The following PDZRN3 variants were observed in gnomAD, a reference collection of about 807,000 sequenced individuals.
PDZRN3 encodes the protein PDZ domain containing ring finger 3, also known as E3 ubiquitin-protein ligase PDZRN3.
In PDZRN3, 38 loss-of-function variants were observed where a neutral mutation model predicts 85.7. The ratio of observed to expected loss-of-function variants is 0.44; its 90% CI spans 0.34 to 0.58. The LOEUF (loss-of-function observed/expected upper bound fraction) is 0.58. Ranked by LOEUF, PDZRN3 falls within the 20% of genes least tolerant of loss-of-function variation. The pLI is 0.01. For synonymous variants in PDZRN3, 759 were observed against 638.0 expected (o/e 1.19, Z -2.86); for missense variants, 1,629 against 1,506.4 (o/e 1.08, Z -1.35).
rs1406405812 is a variant in PDZRN3, at chr3:73,535,556, C to T, written c.918+66798G>A. Among the ~76,000 whole-genome samples the T allele has an allele frequency of 6.6e-5, 10 of 152,230 alleles. 1 individual carries two copies. Among genetic ancestry groups the T allele is most frequent in the African/African-American group, 2.4e-4 (10 of 41,540 alleles). ...AGCTTAAAGTGAAAGCAAAGGCTCT[C>T]GAGAAAATAAAAACAGACACATATC... On this transcript the variant is annotated intron_variant, in intron 3 of 9. Transcript: ENST00000263666.
At chr3:73,525,728 G>C in intron 3 of PDZRN3, among the ~76,000 whole-genome samples, 1 of 152,182 alleles carries the variant, frequency 6.6e-6, no homozygotes, top group Non-Finnish European at 1.5e-5. Context: ...CCCCTGCCAA[G>C]GCGAGGCATG....
chr3:73,401,600 T>C (rs1210227173), intron 4 of PDZRN3, among the ~76,000 whole-genome samples: 3 of 152,234 alleles, frequency 2.0e-5, no homozygotes, highest in Non-Finnish European at 4.4e-5. Flanking sequence ...CATCTGTGTG[T>C]ATATGTTTAC....
At chr3:73,499,523 G>GAT (rs1703934649) in intron 3 of PDZRN3, among the ~76,000 whole-genome samples, 1 of 152,160 alleles carries the variant, frequency 6.6e-6, no homozygotes, top group Non-Finnish European at 1.5e-5. Flanking sequence ...ATTCGTGTAA[G>GAT]GCTCCAGGGT....
intron 3 of PDZRN3, among the ~76,000 whole-genome samples, chr3:73,481,565 G>A (rs1703561305): frequency 6.6e-6 from 1 of 151,884 alleles, no homozygotes; most frequent in Admixed American, 6.6e-5. Context: ...CCCGACCTCA[G>A]GTGATCTGCC....
chr3:73,596,452 A>G (rs1702431497), intron 3 of PDZRN3, among the ~76,000 whole-genome samples: 1 of 152,192 alleles, frequency 6.6e-6, no homozygotes, highest in African/African-American at 2.4e-5. Context: ...CAGGATAACT[A>G]TTGATTATAA....
At chr3:73,573,157 A>T (rs1702068116) in intron 3 of PDZRN3, among the ~76,000 whole-genome samples, 1 of 152,208 alleles carries the variant, frequency 6.6e-6, no homozygotes, top group African/African-American at 2.4e-5. Flanking sequence ...CCTCTCTGGC[A>T]AGACAAGACC....
chr3:73,510,277 G>A (rs1476008601), intron 3 of PDZRN3, among the ~76,000 whole-genome samples: 1 of 152,228 alleles, frequency 6.6e-6, no homozygotes, highest in East Asian at 1.9e-4. Context: ...TCATGGGTAT[G>A]TAAAACTAGT....
intron 3 of PDZRN3, among the ~76,000 whole-genome samples, chr3:73,458,266 C>T (rs1007005198): frequency 4.0e-5 from 6 of 151,866 alleles, no homozygotes; most frequent in African/African-American, 7.3e-5. Flanking sequence ...GGATTCTGCT[C>T]GGTGCCCAGC....
At chr3:73,437,451 C>T (rs1271229550) in intron 3 of PDZRN3, among the ~76,000 whole-genome samples, 1 of 152,118 alleles carries the variant, frequency 6.6e-6, no homozygotes, top group Admixed American at 6.5e-5. Flanking sequence ...TGTTTTTGAC[C>T]TCACAGATCC....
At chr3:73,504,016 T>G (rs575430947) in intron 3 of PDZRN3, among the ~76,000 whole-genome samples, 1 of 152,288 alleles carries the variant, frequency 6.6e-6, no homozygotes, top group South Asian at 2.1e-4. Flanking sequence ...GAACACAGTA[T>G]CCCGAAGTCA....
intron 3 of PDZRN3, among the ~76,000 whole-genome samples, chr3:73,430,022 A>C (rs1388648230): frequency 6.6e-6 from 1 of 152,206 alleles, no homozygotes; most frequent in Non-Finnish European, 1.5e-5. Flanking sequence ...GTTCCCTATA[A>C]AGTTGATCAT....
At chr3:73,415,984 CAAAA>C (rs34623609) in intron 3 of PDZRN3, among the ~76,000 whole-genome samples, 10 of 62,296 alleles carry the variant, frequency 1.6e-4, no homozygotes, top group Non-Finnish European at 2.6e-4. Flanking sequence ...CTTTCATCAC[CAAAA>C]AAAAAAAAAA....
chr3:73,618,340 T>C (rs560492599), intron 1 of PDZRN3, among the ~76,000 whole-genome samples: 1 of 152,306 alleles, frequency 6.6e-6, no homozygotes, highest in Admixed American at 6.5e-5. Flanking sequence ...GTGTGAGACT[T>C]CAGAGAAGGG....
intron 3 of PDZRN3, 151 bp downstream of exon 3, chr3:73,602,203 C>G (rs1166969511): frequency 1.7e-6 from 1 of 590,290 alleles, no homozygotes; most frequent in Non-Finnish European, 3.0e-6. Flanking sequence ...AATCAACACT[C>G]AATCTGGTCC....
At chr3:73,413,438 T>C (rs1453295036) in intron 3 of PDZRN3, among the ~76,000 whole-genome samples, 1 of 152,164 alleles carries the variant, frequency 6.6e-6, no homozygotes, top group Admixed American at 6.5e-5. Context: ...TGTCGGGCAG[T>C]GCAATAAATG....
intron 3 of PDZRN3, among the ~76,000 whole-genome samples, chr3:73,510,556 G>A (rs1704145756): frequency 6.6e-6 from 1 of 152,174 alleles, no homozygotes; most frequent in African/African-American, 2.4e-5. Flanking sequence ...AAATACAGAA[G>A]GAAAGAAAAC....
chr3:73,494,894 A>G (rs1320512909), intron 3 of PDZRN3, among the ~76,000 whole-genome samples: 1 of 152,254 alleles, frequency 6.6e-6, no homozygotes, highest in Non-Finnish European at 1.5e-5. Context: ...GAAAACATGT[A>G]ACTTGAAGAG....
intron 3 of PDZRN3, among the ~76,000 whole-genome samples, chr3:73,503,503 G>A (rs184120127): frequency 1.4e-4 from 21 of 152,196 alleles, no homozygotes; most frequent in Non-Finnish European, 2.4e-4. Context: ...TTCTTTATCC[G>A]TAAAGCTTTA....
intron 3 of PDZRN3, among the ~76,000 whole-genome samples, chr3:73,410,429 T>TATGG (rs1315970130): frequency 6.6e-6 from 1 of 152,226 alleles, no homozygotes; most frequent in Admixed American, 6.5e-5. Flanking sequence ...AGTTTCTATG[T>TATGG]ATGGATGTGT....
Sources: gnomAD v4.1 joint callset for allele counts (sites outside exome capture counted in the v4.1 genomes callset) on GRCh38, gnomAD v4.1.1 for gene constraint, MANE v1.5 for transcripts, NCBI Gene and HGNC (gene_info 2026-07-23, HGNC 2026-07-21) for gene names.